The following ANKS1B variants were observed in gnomAD, a reference collection of about 807,000 sequenced individuals.
ANKS1B encodes the protein ankyrin repeat and sterile alpha motif domain-containing protein 1B.
Under a neutral mutation model 148.3 loss-of-function variants are expected in ANKS1B, and 36 were observed. That is an observed-to-expected ratio of 0.24 (90% CI 0.19 to 0.32). ANKS1B has a LOEUF of 0.32. Ranked by LOEUF, ANKS1B falls within the 10% of genes least tolerant of loss-of-function variation. The pLI is 1.00. For synonymous variants in ANKS1B, 542 were observed against 560.8 expected (o/e 0.97, Z 0.47); for missense variants, 1,157 against 1,542.6 (o/e 0.75, Z 4.19).
intron 17 of ANKS1B, among the ~76,000 whole-genome samples, chr12:98,948,946 A>AATTTTTTTTTT: frequency 1.1e-5 from 1 of 89,184 alleles, no homozygotes; most frequent in East Asian, 3.6e-4. Context: ...AGCATGAGCT[A>AATTTTTTTTTT]CTTTTTTTTT....
intron 7 of ANKS1B, among the ~76,000 whole-genome samples, chr12:99,774,327 C>A (rs1194348523): frequency 6.6e-6 from 1 of 151,894 alleles, no homozygotes; most frequent in East Asian, 1.9e-4. Flanking sequence ...GCTAAGGACT[C>A]GAATAGACAT....
intron 9 of ANKS1B, among the ~76,000 whole-genome samples, chr12:99,554,286 G>A (rs1275691340): frequency 6.6e-6 from 1 of 152,174 alleles, no homozygotes; most frequent in Non-Finnish European, 1.5e-5. Context: ...CTGAGCCAGT[G>A]CAGAAGAGTG....
intron 17 of ANKS1B, among the ~76,000 whole-genome samples, chr12:98,897,084 G>A (rs2099765727): frequency 6.6e-6 from 1 of 152,182 alleles, no homozygotes; most frequent in Admixed American, 6.5e-5. Context: ...TACCTCTAGA[G>A]AATGATGGAA....
chr12:98,743,607 T>A (rs966688144), downstream of ANKS1B, among the ~76,000 whole-genome samples: 1 of 152,152 alleles, frequency 6.6e-6, no homozygotes, highest in African/African-American at 2.4e-5. Context: ...GCTGTGTGTA[T>A]AGAAAAAAAT....
intron 12 of ANKS1B, among the ~76,000 whole-genome samples, chr12:99,250,061 G>T (rs1454154886): frequency 6.6e-6 from 1 of 152,244 alleles, no homozygotes; most frequent in Non-Finnish European, 1.5e-5. Context: ...AACTACCAGG[G>T]TCCATCAGGA....
intron 4 of ANKS1B, among the ~76,000 whole-genome samples, chr12:99,783,460 T>C (rs1245968098): frequency 2.6e-5 from 4 of 152,148 alleles, no homozygotes; most frequent in East Asian, 1.9e-4. Context: ...CATTTTAAAG[T>C]CGAGAAATTG....
intron 8 of ANKS1B, among the ~76,000 whole-genome samples, chr12:99,661,194 G>C (rs2153453672): frequency 6.6e-6 from 1 of 152,244 alleles, no homozygotes; most frequent in South Asian, 2.1e-4. Context: ...TGATTTAGCA[G>C]GAGACAAGAT....
chr12:98,809,343 T>C (rs1175530889), intron 19 of ANKS1B, among the ~76,000 whole-genome samples: 3 of 152,238 alleles, frequency 2.0e-5, no homozygotes, highest in Non-Finnish European at 4.4e-5. Flanking sequence ...CTGATTTGAA[T>C]GTACTAACTC....
chr12:99,400,719 CTT>C (rs2094380979), intron 11 of ANKS1B, among the ~76,000 whole-genome samples: 1 of 144,624 alleles, frequency 6.9e-6, no homozygotes, highest in Non-Finnish European at 1.5e-5. Context: ...CTAAAAATCT[CTT>C]ATAATAATTA....
chr12:99,037,255 G>T (rs74861946), intron 17 of ANKS1B, among the ~76,000 whole-genome samples: 1 of 152,094 alleles, frequency 6.6e-6, no homozygotes, highest in East Asian at 1.9e-4. Context: ...TGTGGCTCAC[G>T]TCTGTAATCC....
intron 9 of ANKS1B, among the ~76,000 whole-genome samples, chr12:99,511,644 G>A (rs1022942105): frequency 2.0e-5 from 3 of 151,880 alleles, no homozygotes; most frequent in East Asian, 1.9e-4. Context: ...GAGGCATCAC[G>A]CTACCTGACT....
chr12:98,941,402 A>G (rs2099836379), intron 17 of ANKS1B, among the ~76,000 whole-genome samples: 1 of 152,200 alleles, frequency 6.6e-6, no homozygotes, highest in Admixed American at 6.6e-5. Flanking sequence ...TAGATCTTAG[A>G]AAAGATACTT....
chr12:99,161,237 G>A (rs370054388), intron 14 of ANKS1B, among the ~76,000 whole-genome samples: 1 of 152,140 alleles, frequency 6.6e-6, no homozygotes, highest in African/African-American at 2.4e-5. Context: ...AAGCCTAAAC[G>A]TGTTATCAAA....
chr12:99,531,591 TC>T (rs1211747888), intron 9 of ANKS1B, among the ~76,000 whole-genome samples: 2 of 152,216 alleles, frequency 1.3e-5, no homozygotes, highest in Non-Finnish European at 2.9e-5. Flanking sequence ...TACCACATTT[TC>T]TTTATCCGGT....
intron 9 of ANKS1B, among the ~76,000 whole-genome samples, chr12:99,528,218 T>C (rs372514795): frequency 6.6e-6 from 1 of 151,508 alleles, no homozygotes; most frequent in Non-Finnish European, 1.5e-5. Context: ...ATACAAAAAA[T>C]CAACTCAAGA....
At chr12:99,799,046 A>G (rs939431406) in intron 4 of ANKS1B, among the ~76,000 whole-genome samples, 8 of 152,202 alleles carry the variant, frequency 5.3e-5, no homozygotes, top group Middle Eastern at 3.4e-3. Context: ...TCTATCCGCT[A>G]TCTTACTTTT....
chr12:98,945,362 G>A (rs2099843460), intron 17 of ANKS1B, among the ~76,000 whole-genome samples: 1 of 151,928 alleles, frequency 6.6e-6, no homozygotes, highest in African/African-American at 2.4e-5. Flanking sequence ...GGGCGTAGTG[G>A]TGTGCACCTG....
intron 9 of ANKS1B, among the ~76,000 whole-genome samples, chr12:99,632,738 TA>T (rs1567522333): frequency 2.3e-5 from 1 of 42,870 alleles, no homozygotes; most frequent in East Asian, 6.3e-4. Flanking sequence ...TATATATATA[TA>T]TATATATATA....
intron 25 of ANKS1B, among the ~76,000 whole-genome samples, chr12:98,767,524 G>A (rs145948902): frequency 1.2e-4 from 18 of 152,294 alleles, no homozygotes; most frequent in Non-Finnish European, 1.5e-4. Context: ...TTTGGGAGTT[G>A]CAAGTGAAAA....
Sources: gnomAD v4.1 joint callset for allele counts (sites outside exome capture counted in the v4.1 genomes callset) on GRCh38, gnomAD v4.1.1 for gene constraint, MANE v1.5 for transcripts, NCBI Gene and HGNC (gene_info 2026-07-23, HGNC 2026-07-21) for gene names.